ATG16L1: variants seen among roughly 807,000 people sequenced by gnomAD.
The protein encoded by ATG16L1 is autophagy-related protein 16-1.
A neutral mutation model predicts 88.5 loss-of-function variants in ATG16L1; 37 were observed. That is an observed-to-expected ratio of 0.42 (90% CI 0.32 to 0.55). ATG16L1 has a LOEUF of 0.55. Among genes scored for constraint, ATG16L1 ranks in the 20% least tolerant of loss-of-function variants. The probability of loss-of-function intolerance (pLI) is 0.13; values close to 1 mark genes in which losing one functional copy is unlikely to be tolerated. For missense variants in ATG16L1, 554 were observed against 752.8 expected (o/e 0.74, Z 3.09); for synonymous variants, 301 against 281.0 (o/e 1.07, Z -0.71).
At chr2:233,257,116 G>T (rs1696844614) in intron 2 of ATG16L1, among the ~76,000 whole-genome samples, 1 of 150,630 alleles carries the variant, frequency 6.6e-6, no homozygotes, top group African/African-American at 2.4e-5. Context: ...TGCAAGCTCC[G>T]CCTCCTGGGT....
intron 2 of ATG16L1, among the ~76,000 whole-genome samples, chr2:233,259,268 T>C (rs1224999147): frequency 6.6e-6 from 1 of 152,176 alleles, no homozygotes; most frequent in African/African-American, 2.4e-5. Context: ...AAGCATAATC[T>C]AGCTTTGTGG....
At chr2:233,287,521 TAAGA>T (rs1232412788) in intron 12 of ATG16L1, among the ~76,000 whole-genome samples, 3 of 152,204 alleles carry the variant, frequency 2.0e-5, no homozygotes, top group Admixed American at 2.0e-4. Context: ...CTCTTAACAT[TAAGA>T]AAGAAACAGA....
At chr2:233,276,354 T>TC (rs372536758) in intron 9 of ATG16L1, among the ~76,000 whole-genome samples, 198 of 152,092 alleles carry the variant, frequency 1.3e-3, no homozygotes, top group African/African-American at 4.2e-3. Context: ...CAGTATCTCT[T>TC]CCCCCCCACA....
intron 5 of ATG16L1, among the ~76,000 whole-genome samples, chr2:233,266,928 GT>G (rs1203399149): frequency 1.3e-5 from 2 of 152,230 alleles, no homozygotes; most frequent in Non-Finnish European, 1.5e-5. Context: ...AAAGAAAAAT[GT>G]TCTCCTAGAG....
At chr2:233,286,621 C>CATT (rs34087184) in intron 12 of ATG16L1, among the ~76,000 whole-genome samples, 5 of 93,296 alleles carry the variant, frequency 5.4e-5, no homozygotes, top group African/African-American at 1.4e-4. Context: ...GAAGCCCAAA[C>CATT]TTTTTTTTTT....
rs1699733038 is a variant in ATG16L1 at position 233,295,336 on chromosome 2, GT to G, written c.*990del. Reference sequence around the variant, plus strand: ...CTTTACTATTTTACCTACGTATAAAGTTTTAGTTCATTGGGTGTGCGAAACA... The same window carrying G: ...CTTTACTATTTTACCTACGTATAAAGTTTAGTTCATTGGGTGTGCGAAACA... On this transcript the variant is annotated 3_prime_UTR_variant, in exon 18 of 18. Transcript: ENST00000392017. The G allele has an allele frequency of 6.5e-6, 1 of 152,796 alleles. No individual in the cohort carries two copies. The highest frequency in any genetic ancestry group is 1.5e-5 in the Non-Finnish European group (1 of 68,042). The allele number at this position is 152,796 out of a possible 1,614,324, so 9.5% of individuals were successfully genotyped here.
intron 4 of ATG16L1, among the ~76,000 whole-genome samples, chr2:233,264,396 G>A (rs1213358025): frequency 6.6e-6 from 1 of 152,214 alleles, no homozygotes; most frequent in Non-Finnish European, 1.5e-5. Flanking sequence ...GGATAGCTGA[G>A]CGCATGGCCC....
chr2:233,263,022 A>G, intron 2 of ATG16L1, 108 bp from the exon 3 acceptor site: 2 of 939,618 alleles, frequency 2.1e-6, no homozygotes, highest in South Asian at 1.5e-5. Flanking sequence ...CTTTGTGAAC[A>G]TGTTTCTGGA....
chr2:233,273,642 G>T, intron 7 of ATG16L1, 79 bp from the exon 8 acceptor site: 1 of 1,394,908 alleles, frequency 7.2e-7, no homozygotes, highest in Non-Finnish European at 1.0e-6. Flanking sequence ...CCAGTTACCT[G>T]TTTTTGTGGG....
intron 5 of ATG16L1, among the ~76,000 whole-genome samples, chr2:233,269,762 C>G (rs1697857168): frequency 6.6e-6 from 1 of 152,210 alleles, no homozygotes; most frequent in East Asian, 1.9e-4. Flanking sequence ...TGCCAGTTCA[C>G]TGCTTTCTCT....
At chr2:233,274,606 T>G in intron 8 of ATG16L1, 70 bp from the exon 9 acceptor site, 1 of 1,264,004 alleles carries the variant, frequency 7.9e-7, no homozygotes, top group Non-Finnish European at 1.1e-6. Flanking sequence ...CTTGGAGTCC[T>G]TTCTAACAAT....
At chr2:233,292,319 G>T in intron 15 of ATG16L1, 42 bp downstream of exon 15, 1 of 1,610,910 alleles carries the variant, frequency 6.2e-7, no homozygotes, top group Admixed American at 1.7e-5. Context: ...CAGAGGCCCA[G>T]CCCTGCTCTC....
intron 4 of ATG16L1, 121 bp from the exon 5 acceptor site, chr2:233,264,771 G>T: frequency 1.5e-6 from 2 of 1,313,674 alleles, no homozygotes; most frequent in South Asian, 2.8e-5. Context: ...AAACCATGGG[G>T]ATGGGCCTGG....
At position 233,251,880 on chromosome 2, in the gene ATG16L1, C is replaced by G; in HGVS notation, c.53C>G (p.Ser18Trp). 1.3e-6 allele frequency: 2 copies of G among 1,551,140 alleles called. No individual in the cohort carries two copies. Among genetic ancestry groups the G allele is most frequent in the Non-Finnish European group, 1.7e-6 (2 of 1,147,646 alleles). ...TTCCCCCGCTGGAAGCGCCACATCT[C>G]GGAGCAACTGAGGCGCCGGGACCGG... The part of the protein sequence containing the change: ...ADFPRWKRHI[S>W]EQLRRRDRLQ... Residue 18 changes from serine to tryptophan, a missense_variant, in exon 1 of 18, where the codon TCG becomes TGG. By Grantham distance (177) the Ser-to-Trp change is radical. Coordinates refer to ENST00000392017, the MANE Select transcript of ATG16L1 (RefSeq NM_030803.7).
rs530757301 is a variant in ATG16L1, at chr2:233,274,108, G to A, written c.851+331G>A. ...GTCCTTAACAATTATGCCAATCACCGCTTCACTGCCCTCAGTCATCAGATG... is the reference window on the plus strand; with the variant it reads ...GTCCTTAACAATTATGCCAATCACCACTTCACTGCCCTCAGTCATCAGATG... On this transcript the variant is annotated intron_variant, in intron 8 of 17. Coordinates refer to ENST00000392017, the MANE Select transcript of ATG16L1 (RefSeq NM_030803.7). 3.2e-3 allele frequency: 4,555 copies of A among 1,424,814 alleles called. 14 individuals carry two copies. The highest frequency in any genetic ancestry group is 3.8e-3 in the Non-Finnish European group (3,963 of 1,035,346). 88.3% of individuals were successfully genotyped at this position (1,424,814 alleles called of 1,614,324 possible).
intron 2 of ATG16L1, among the ~76,000 whole-genome samples, chr2:233,256,561 G>A (rs951034206): frequency 1.5e-5 from 2 of 137,844 alleles, no homozygotes; most frequent in Non-Finnish European, 3.2e-5. Flanking sequence ...TGTTAATGTA[G>A]GATTGATTGG....
chr2:233,262,701 CCTT>C (rs1697301690), intron 2 of ATG16L1, among the ~76,000 whole-genome samples: 1 of 152,184 alleles, frequency 6.6e-6, no homozygotes. Context: ...CCTCTGTTCC[CCTT>C]CTTGTGCTTG....
intron 2 of ATG16L1, among the ~76,000 whole-genome samples, chr2:233,256,534 C>T (rs144275790): frequency 1.1e-4 from 17 of 152,028 alleles, no homozygotes; most frequent in African/African-American, 2.9e-4. Context: ...TATTTCTGAG[C>T]GGGTTTGTGT....
intron 14 of ATG16L1, among the ~76,000 whole-genome samples, chr2:233,291,115 G>T (rs988868782): frequency 1.3e-5 from 2 of 152,130 alleles, no homozygotes; most frequent in Non-Finnish European, 2.9e-5. Context: ...TTGGAGGAAG[G>T]GGAAGACAGG....
Sources: allele counts gnomAD v4.1 joint callset (sites outside exome capture counted in the v4.1 genomes callset), GRCh38; gene constraint gnomAD v4.1.1; transcripts MANE v1.5; gene names NCBI Gene and HGNC (gene_info 2026-07-23, HGNC 2026-07-21).